SYNE2: variants seen among roughly 807,000 people sequenced by gnomAD.
SYNE2 encodes spectrin repeat containing nuclear envelope protein 2.
Under a neutral mutation model 856.3 loss-of-function variants are expected in SYNE2, and 431 were observed. That is an observed-to-expected ratio of 0.50 (90% CI 0.47 to 0.55). The LOEUF is 0.55. Ranked by LOEUF, SYNE2 falls within the 20% of genes least tolerant of loss-of-function variation. SYNE2 has a pLI of 0.00. For synonymous variants in SYNE2, 2,923 were observed against 2,872.3 expected (o/e 1.02, Z -0.56); for missense variants, 8,129 against 8,023.2 (o/e 1.01, Z -0.50).
At chr14:64,037,197 C>T (rs1223856488) in intron 45 of SYNE2, among the ~76,000 whole-genome samples, 2 of 150,134 alleles carry the variant, frequency 1.3e-5, no homozygotes, top group African/African-American at 2.5e-5. Context: ...TTGGCGGGGT[C>T]ATAGGACAAT....
intron 1 of SYNE2, among the ~76,000 whole-genome samples, chr14:63,840,242 GC>G (rs1890004018): frequency 6.6e-6 from 1 of 152,156 alleles, no homozygotes; most frequent in South Asian, 2.1e-4. Flanking sequence ...TTGCACTCCA[GC>G]CTGGGGGACA....
At chr14:64,125,541 C>A (rs1228511245) in intron 71 of SYNE2, among the ~76,000 whole-genome samples, 1 of 152,124 alleles carries the variant, frequency 6.6e-6, no homozygotes, top group Non-Finnish European at 1.5e-5. Context: ...CAACCCTGAG[C>A]AGACTTAATA....
At chr14:63,840,280 AG>A (rs1566600508) in intron 1 of SYNE2, among the ~76,000 whole-genome samples, 1 of 152,144 alleles carries the variant, frequency 6.6e-6, no homozygotes, top group East Asian at 1.9e-4. Context: ...CAAAAAAAAA[AG>A]TAGGCTTTTG....
Position 64,162,265 on chromosome 14 carries a change from C to G in SYNE2, c.16288C>G (p.Gln5430Glu), listed in dbSNP as rs1366859062. The change falls in exon 88 of 116, where the codon CAG becomes GAG. Residue 5430 changes from glutamine (Q) to glutamate (E), a missense_variant. Gln to Glu is a conservative substitution (Grantham distance 29). Coordinates refer to ENST00000555002, the MANE Select transcript of SYNE2 (RefSeq NM_182914.3). ...NLAEILPPAL[Q>E]DIKELQHDVQ... ...GGCAGAGATCCTGCCCCCAGCCCTG[C>G]AGGACATAAAGGTGGGTACAAAGCC... The G allele has an allele frequency of 3.7e-6, 6 of 1,614,020 alleles. No individual in the cohort carries two copies. The African/African-American group carries it at 8.0e-5, about 22-fold the overall frequency.
intron 103 of SYNE2, among the ~76,000 whole-genome samples, chr14:64,210,687 C>CTG (rs2098636023): frequency 6.6e-6 from 1 of 152,192 alleles, no homozygotes; most frequent in Admixed American, 6.5e-5. Flanking sequence ...CTGTGTAAAC[C>CTG]TGTGTGAATC....
chr14:63,796,690 T>C lies in SYNE2; in HGVS notation c.-305+34704T>C, dbSNP rs377226888. Among the ~76,000 whole-genome samples the C allele has an allele frequency of 2.6e-4, 39 of 151,584 alleles. 1 individual carries two copies. The highest frequency in any genetic ancestry group is 9.2e-4 in the African/African-American group (38 of 41,324). On this transcript the variant is annotated intron_variant, in intron 1 of 23. Transcript: ENST00000674003. ...CTTCTAGTTGTACGGCAGGAGGCAA[T>C]ATATATACAAAAAAGATAATGGGCC...
chr14:64,103,593 T>C (rs1169292981), intron 64 of SYNE2, among the ~76,000 whole-genome samples: 2 of 152,086 alleles, frequency 1.3e-5, no homozygotes, highest in East Asian at 3.9e-4. Context: ...CTCCCCCTGC[T>C]CTCAGGCCAA....
intron 28 of SYNE2, among the ~76,000 whole-genome samples, chr14:64,001,521 C>G (rs207474913): frequency 6.6e-6 from 1 of 151,982 alleles, no homozygotes; most frequent in Non-Finnish European, 1.5e-5. Context: ...ACTGTCTGTA[C>G]TAAAAATACA....
In SYNE2 at chr14:64,113,478, G is replaced by A. The variant is rs766778225; in HGVS notation, c.12747G>A (p.Glu4249=). Reference sequence around the variant, plus strand: ...GCAAGACCCAGGTGGCCGAGCTGGAGCTGTGGCTGCAACAAGCCAACGTGG... The same window carrying A: ...GCAAGACCCAGGTGGCCGAGCTGGAACTGTGGCTGCAACAAGCCAACGTGG... ...HACKTQVAEL[E]LWLQQANVAV... Residue 4249 remains glutamate (E), a synonymous_variant, in exon 66 of 116, where the codon GAG becomes GAA. Coordinates refer to ENST00000555002, the MANE Select transcript of SYNE2 (RefSeq NM_182914.3). 6.2e-6 allele frequency: 10 copies of A among 1,614,180 alleles called. No homozygotes were observed. The highest frequency in any genetic ancestry group is 1.3e-5 in the African/African-American group (1 of 75,058).
intron 68 of SYNE2, 52 bp from the exon 69 acceptor site, chr14:64,121,960 A>G: frequency 6.2e-7 from 1 of 1,610,036 alleles, no homozygotes. Context: ...ACTAGTGGGT[A>G]CTAATCGAAA....
intron 94 of SYNE2, chr14:64,173,963 A>G (rs2098422542): frequency 1.4e-6 from 1 of 696,026 alleles, no homozygotes; most frequent in Admixed American, 2.1e-5. Context: ...TACTCTCTGC[A>G]CACTGCCTGC....
At chr14:63,796,182 C>T (rs186067317) in intron 1 of SYNE2, among the ~76,000 whole-genome samples, 2 of 152,184 alleles carry the variant, frequency 1.3e-5, no homozygotes, top group Non-Finnish European at 2.9e-5. Flanking sequence ...GATATTTGGC[C>T]AGGCACAATT....
intron 108 of SYNE2, among the ~76,000 whole-genome samples, chr14:64,217,437 G>A (rs2098671822): frequency 1.3e-5 from 2 of 152,238 alleles, no homozygotes; most frequent in Non-Finnish European, 2.9e-5. Context: ...AAATTAAGGA[G>A]AGAATATTGT....
At chr14:64,000,068 C>T (rs1461005373) in intron 27 of SYNE2, among the ~76,000 whole-genome samples, 3 of 151,850 alleles carry the variant, frequency 2.0e-5, no homozygotes, top group African/African-American at 7.3e-5. Flanking sequence ...TATAGCAGTG[C>T]CTTACCAAAA....
chr14:63,764,820 C>G (rs1208556840), intron 1 of SYNE2, among the ~76,000 whole-genome samples: 1 of 152,090 alleles, frequency 6.6e-6, no homozygotes. Context: ...TGGTGGCGCA[C>G]ACCTGTGGCC....
At chr14:64,167,903 A>C (rs1312637933) in intron 92 of SYNE2, among the ~76,000 whole-genome samples, 1 of 152,226 alleles carries the variant, frequency 6.6e-6, no homozygotes, top group Non-Finnish European at 1.5e-5. Flanking sequence ...CTTTGCTTCC[A>C]CAAAATGCAA....
chr14:64,191,575 G>A (rs954932490), intron 99 of SYNE2, among the ~76,000 whole-genome samples: 1 of 152,194 alleles, frequency 6.6e-6, no homozygotes, highest in Non-Finnish European at 1.5e-5. Flanking sequence ...CCCAAGCATA[G>A]GAGATGAGCT....
chr14:64,051,540 TTTTA>T lies in SYNE2; in HGVS notation c.7644-14_7644-11del. The T allele has an allele frequency of 6.2e-7, 1 of 1,602,198 alleles. No individual in the cohort carries two copies. Among genetic ancestry groups the T allele is most frequent in the Non-Finnish European group, 8.5e-7 (1 of 1,174,906 alleles). On this transcript the variant is annotated splice_polypyrimidine_tract_variant and intron_variant, in intron 47 of 115. Coordinates refer to ENST00000555002, the MANE Select transcript of SYNE2 (RefSeq NM_182914.3). ...AGCATTAAATATTAACAAGCTCTAT[TTTTA>T]TTCTTTTTCTAGAGGACCACTGGAC...
At chr14:64,222,798 T>G (rs2098700902) in intron 112 of SYNE2, among the ~76,000 whole-genome samples, 1 of 152,078 alleles carries the variant, frequency 6.6e-6, no homozygotes, top group African/African-American at 2.4e-5. Flanking sequence ...CCCTTAACAA[T>G]TAAAGCCCGT....
Sources: gnomAD v4.1 joint callset for allele counts (sites outside exome capture counted in the v4.1 genomes callset) on GRCh38, gnomAD v4.1.1 for gene constraint, MANE v1.5 for transcripts, NCBI Gene and HGNC (gene_info 2026-07-23, HGNC 2026-07-21) for gene names.